UBE4B: variants seen among roughly 807,000 people sequenced by gnomAD.
UBE4B encodes ubiquitin conjugation factor E4 B.
In UBE4B, 27 loss-of-function variants were observed where a neutral mutation model predicts 148.1. That is an observed-to-expected ratio of 0.18 (90% CI 0.13 to 0.25). The LOEUF (loss-of-function observed/expected upper bound fraction) is 0.25, where lower values mean the gene tolerates loss of function less well. Among genes scored for constraint, UBE4B ranks in the 10% least tolerant of loss-of-function variants. UBE4B has a pLI of 1.00. For synonymous variants in UBE4B, 596 were observed against 619.3 expected (o/e 0.96, Z 0.56); for missense variants, 1,170 against 1,662.4 (o/e 0.70, Z 5.15).
chr1:10,150,860 A>C (rs1317974309), intron 20 of UBE4B, among the ~76,000 whole-genome samples: 1 of 135,548 alleles, frequency 7.4e-6, no homozygotes, highest in African/African-American at 2.7e-5. Flanking sequence ...GCTCCATCTC[A>C]AGAAAAAAAA....
At chr1:10,126,356 A>T (rs545237512) in intron 10 of UBE4B, among the ~76,000 whole-genome samples, 52 of 147,092 alleles carry the variant, frequency 3.5e-4, no homozygotes, top group East Asian at 6.0e-4. Context: ...GATAGATAGA[A>T]AGGAGGAAAT....
At chr1:10,123,297 G>A (rs984443977) in intron 10 of UBE4B, among the ~76,000 whole-genome samples, 1 of 151,974 alleles carries the variant, frequency 6.6e-6, no homozygotes, top group Non-Finnish European at 1.5e-5. Context: ...TGGGTGTGGT[G>A]ACGGGTGTCT....
At chr1:10,072,979 CAATT>C (rs1356092250) in intron 2 of UBE4B, 1 of 152,798 alleles carries the variant, frequency 6.5e-6, no homozygotes, top group Non-Finnish European at 1.5e-5. Context: ...AGAATCGTGT[CAATT>C]AAAAGTATTT....
At chr1:10,159,041 C>T (rs1030983272) in intron 22 of UBE4B, among the ~76,000 whole-genome samples, 4 of 150,578 alleles carry the variant, frequency 2.7e-5, no homozygotes, top group Admixed American at 2.6e-4. Context: ...AAGAAAAGAT[C>T]CTATAAATAT....
rs145145701 is a variant in UBE4B, at chr1:10,151,222, A to T, written c.2691-104A>T. The T allele has an allele frequency of 4.1e-5, 43 of 1,042,526 alleles. No individual in the cohort carries two copies. The African/African-American group carries it at 6.1e-4, about 15-fold the overall frequency. The allele number at this position is 1,042,526 out of a possible 1,614,324, so 64.6% of individuals were successfully genotyped here. On this transcript the variant is annotated intron_variant, in intron 20 of 27. Transcript: ENST00000343090. ...TTCAAGGGCACTCCCAAACCTACTT[A>T]TCCTGCCTTCCCCTCCTCACTTACT...
chr1:10,058,329 G>A (rs868626847), intron 1 of UBE4B, among the ~76,000 whole-genome samples: 34 of 152,268 alleles, frequency 2.2e-4, no homozygotes, highest in Admixed American at 1.8e-3. Context: ...CAGGGTGACC[G>A]TGCCATTCTA....
intron 16 of UBE4B, among the ~76,000 whole-genome samples, chr1:10,135,476 C>T (rs374669012): frequency 9.2e-5 from 14 of 151,624 alleles, no homozygotes; most frequent in African/African-American, 3.2e-4. Context: ...TGGTGGCACA[C>T]GCCTGTAATC....
intron 2 of UBE4B, among the ~76,000 whole-genome samples, chr1:10,089,680 T>G (rs1644815972): frequency 6.6e-6 from 1 of 151,896 alleles, no homozygotes; most frequent in South Asian, 2.1e-4. Flanking sequence ...AACCTAATTA[T>G]TTTTAAGTTT....
At chr1:10,096,593 G>C (rs569076831) in intron 3 of UBE4B, among the ~76,000 whole-genome samples, 7 of 152,084 alleles carry the variant, frequency 4.6e-5, no homozygotes, top group Non-Finnish European at 8.8e-5. Flanking sequence ...CTGGTGGCAG[G>C]CGCCTGTAAT....
chr1:10,179,852 C>T (rs374402756), intron 27 of UBE4B, 43 bp from the exon 28 acceptor site: 5 of 1,606,318 alleles, frequency 3.1e-6, no homozygotes, highest in Non-Finnish European at 4.3e-6. Flanking sequence ...CAGGAAGAGC[C>T]CTCCCATCTG....
chr1:10,034,691 T>A (rs1242005798), intron 1 of UBE4B, among the ~76,000 whole-genome samples: 2 of 152,200 alleles, frequency 1.3e-5, no homozygotes, highest in African/African-American at 4.8e-5. Context: ...TCAAGTTGAT[T>A]GTACTACAAG....
chr1:10,086,011 T>G (rs554959122), intron 2 of UBE4B, among the ~76,000 whole-genome samples: 4 of 150,600 alleles, frequency 2.7e-5, no homozygotes, highest in African/African-American at 4.9e-5. Context: ...TCGCTCTGTC[T>G]CCCAGGCTGG....
chr1:10,092,828 CA>C (rs1182411605), intron 2 of UBE4B, among the ~76,000 whole-genome samples: 191 of 137,148 alleles, frequency 1.4e-3, no homozygotes, highest in Admixed American at 1.6e-3. Flanking sequence ...AACTCTATCT[CA>C]AAAAAAAAAA....
chr1:10,170,938 T>G (rs1646330439), intron 24 of UBE4B, 200 bp from the exon 25 acceptor site: 1 of 473,908 alleles, frequency 2.1e-6, no homozygotes, highest in East Asian at 3.3e-5. Context: ...TTCCATTAAG[T>G]ATTAGAATTA....
chr1:10,131,633 G>A (rs2101943970), intron 14 of UBE4B, among the ~76,000 whole-genome samples: 1 of 152,302 alleles, frequency 6.6e-6, no homozygotes, highest in South Asian at 2.1e-4. Context: ...ACTTTGGGAG[G>A]CTGAGATGGG....
chr1:10,041,335 CTTTTTT>C lies in UBE4B; in HGVS notation c.24+7654_24+7659del, dbSNP rs573440480. 5.3e-5 allele frequency among the ~76,000 whole-genome samples: 7 copies of C among 132,142 alleles called. No individual in the cohort carries two copies. In the South Asian group the frequency reaches 1.7e-3, roughly 32 times the overall value. 86.7% of individuals were successfully genotyped at this position (132,142 alleles called of 152,430 possible). A position where few individuals can be genotyped will look rare whatever the true frequency, so the allele number is the denominator to read the frequency against. Reference sequence around the variant, plus strand: ...AGCCAACTGTAACCTTTTTGGCATTCTTTTTTTTTTTTTTTTTTGATGGAGTTTCGC... The same window carrying C: ...AGCCAACTGTAACCTTTTTGGCATTCTTTTTTTTTTTTGATGGAGTTTCGC... On this transcript the variant is annotated intron_variant, in intron 1 of 27. Transcript: ENST00000343090.
chr1:10,134,049 C>CAA (rs367557718), intron 15 of UBE4B, among the ~76,000 whole-genome samples: 1 of 135,946 alleles, frequency 7.4e-6, no homozygotes, highest in Non-Finnish European at 1.6e-5. Context: ...AACCCTGTCT[C>CAA]AAAAAAAAAA....
intron 1 of UBE4B, among the ~76,000 whole-genome samples, chr1:10,064,631 G>A (rs1334495473): frequency 6.6e-6 from 1 of 151,950 alleles, no homozygotes; most frequent in Non-Finnish European, 1.5e-5. Flanking sequence ...TCGTCTCTTT[G>A]TCACTTCCTT....
intron 2 of UBE4B, among the ~76,000 whole-genome samples, chr1:10,091,390 C>A (rs1223787568): frequency 6.6e-6 from 1 of 151,948 alleles, no homozygotes; most frequent in Non-Finnish European, 1.5e-5. Flanking sequence ...ATATTTAATT[C>A]ACATTGATTT....
Sources: allele counts gnomAD v4.1 joint callset (sites outside exome capture counted in the v4.1 genomes callset), GRCh38; gene constraint gnomAD v4.1.1; transcripts MANE v1.5; gene names NCBI Gene and HGNC (gene_info 2026-07-23, HGNC 2026-07-21).